The following CFAP299 variants were observed in gnomAD, a reference collection of about 807,000 sequenced individuals.
The protein encoded by CFAP299 is cilia- and flagella-associated protein 299.
Under a neutral mutation model 27.0 loss-of-function variants are expected in CFAP299, and 21 were observed. The observed-to-expected ratio is 0.78, with a 90% CI of 0.55 to 1.12. The LOEUF is 1.12. CFAP299 is among the 50% of genes most tolerant of loss of function. The probability of loss-of-function intolerance (pLI) is 0.00; values close to 1 mark genes in which losing one functional copy is unlikely to be tolerated. For missense variants in CFAP299, 310 were observed against 276.6 expected, an observed-to-expected ratio of 1.12 and a Z score of -0.86; for synonymous variants, 104 against 98.1, an observed-to-expected ratio of 1.06 and a Z score of -0.36.
At chr4:80,896,625 A>G (rs886769577) in intron 4 of CFAP299, among the ~76,000 whole-genome samples, 1 of 152,170 alleles carries the variant, frequency 6.6e-6, no homozygotes, top group South Asian at 2.1e-4. Flanking sequence ...ACCTGGAAGG[A>G]GAAATAGATG....
intron 2 of CFAP299, among the ~76,000 whole-genome samples, chr4:80,526,162 G>A (rs529333064): frequency 5.3e-5 from 8 of 152,204 alleles, no homozygotes; most frequent in African/African-American, 1.9e-4. Flanking sequence ...GCTTAGATAG[G>A]TTCTTGCTCT....
At chr4:80,797,957 G>A (rs377636766) in intron 3 of CFAP299, among the ~76,000 whole-genome samples, 7 of 152,216 alleles carry the variant, frequency 4.6e-5, no homozygotes, top group South Asian at 2.1e-4. Context: ...AACTGCTTGA[G>A]CTGCAACATT....
rs74287329 is a variant in CFAP299 at position 80,634,489 on chromosome 4, A to G, written c.333+51306A>G. ...ATATGTCATTTCATTATATATATAT[A>G]TCTGTATACATAATAGCATACTTAA... is the stretch of plus-strand genomic sequence containing the variant. On this transcript the variant is annotated intron_variant, in intron 3 of 5. Coordinates refer to ENST00000358105, the MANE Select transcript of CFAP299 (RefSeq NM_152770.3). Among the ~76,000 whole-genome samples the G allele has an allele frequency of 3.0e-5, 4 of 134,738 alleles. No individual in the cohort carries two copies. In the South Asian group the frequency reaches 7.3e-4, roughly 25 times the overall value. The allele number at this position is 134,738 out of a possible 152,430, so 88.4% of individuals were successfully genotyped here. A position where few individuals can be genotyped will look rare whatever the true frequency, so the allele number is the denominator to read the frequency against.
At chr4:80,951,485 T>C (rs1737775022) in intron 5 of CFAP299, among the ~76,000 whole-genome samples, 1 of 152,208 alleles carries the variant, frequency 6.6e-6, no homozygotes, top group South Asian at 2.1e-4. Flanking sequence ...CTTTGGCATG[T>C]AGTCTATTAT....
chr4:80,911,448 G>T (rs986639705), intron 4 of CFAP299, among the ~76,000 whole-genome samples: 1 of 151,932 alleles, frequency 6.6e-6, no homozygotes, highest in Non-Finnish European at 1.5e-5. Context: ...AATCTTTTCT[G>T]CCTCAAGTTT....
intron 4 of CFAP299, among the ~76,000 whole-genome samples, chr4:80,877,143 G>C (rs2110173209): frequency 6.6e-6 from 1 of 152,276 alleles, no homozygotes; most frequent in Middle Eastern, 3.4e-3. Flanking sequence ...TTGAACCTCA[G>C]TTATGTCCCA....
chr4:80,332,660 T>A (rs1373531117), upstream of CFAP299, among the ~76,000 whole-genome samples: 1 of 151,952 alleles, frequency 6.6e-6, no homozygotes, highest in Non-Finnish European at 1.5e-5. Flanking sequence ...GATATAAGAT[T>A]AAGGAGAGAG....
Position 80,688,448 on chromosome 4 carries a change from C to T in CFAP299, c.333+105265C>T, listed in dbSNP as rs187629841. On this transcript the variant is annotated intron_variant, in intron 3 of 5. Transcript: ENST00000358105. ...GGGGCACACTGACACCTCACACAGC[C>T]GGCCGGGTACTCCAACAGACCTGCA... Among the ~76,000 whole-genome samples, 1,282 of 151,944 alleles carry T rather than the reference C, an allele frequency of 8.4e-3. 12 individuals carry two copies. Among genetic ancestry groups the T allele is most frequent in the African/African-American group, 0.029 (1,193 of 41,538 alleles).
chr4:80,888,550 T>C (rs1274260522), intron 4 of CFAP299, among the ~76,000 whole-genome samples: 1 of 152,030 alleles, frequency 6.6e-6, no homozygotes, highest in South Asian at 2.1e-4. Context: ...ACTTTCAGCA[T>C]TGGACAGATC....
chr4:80,525,650 C>T (rs551043549), intron 2 of CFAP299, among the ~76,000 whole-genome samples: 4 of 152,238 alleles, frequency 2.6e-5, no homozygotes, highest in Middle Eastern at 3.4e-3. Context: ...GTTTCCTCCC[C>T]GGTCTCGACC....
intron 3 of CFAP299, among the ~76,000 whole-genome samples, chr4:80,602,766 A>G (rs1278759430): frequency 6.6e-6 from 1 of 152,096 alleles, no homozygotes; most frequent in African/African-American, 2.4e-5. Flanking sequence ...CCTGTGAGAA[A>G]AAGTCTGCTC....
intron 3 of CFAP299, among the ~76,000 whole-genome samples, chr4:80,700,190 C>T (rs962663969): frequency 1.3e-5 from 2 of 152,072 alleles, no homozygotes; most frequent in African/African-American, 4.8e-5. Context: ...AGGTAGAATA[C>T]TTGCCTTTAC....
chr4:80,814,601 T>C (rs1032511041), intron 3 of CFAP299, among the ~76,000 whole-genome samples: 1 of 151,994 alleles, frequency 6.6e-6, no homozygotes, highest in African/African-American at 2.4e-5. Context: ...TGTCTCTGAC[T>C]AATTTGTACT....
chr4:80,581,107 C>T lies in CFAP299; in HGVS notation c.243-1986C>T, dbSNP rs369519968. On this transcript the variant is annotated intron_variant, in intron 2 of 5. Transcript: ENST00000358105. The stretch of plus-strand genomic sequence containing the variant: ...GTACTTGTAAAATGAATTCTCTGTT[C>T]AAATTTCACAGAGAATTTCCAACAG... 1.3e-4 allele frequency among the ~76,000 whole-genome samples: 19 copies of T among 151,820 alleles called. No individual in the cohort carries two copies. In the South Asian group the frequency reaches 3.1e-3, roughly 25 times the overall value.
At chr4:80,757,635 C>T (rs1253220789) in intron 3 of CFAP299, among the ~76,000 whole-genome samples, 2 of 152,078 alleles carry the variant, frequency 1.3e-5, no homozygotes, top group East Asian at 3.8e-4. Flanking sequence ...TAGATATTAG[C>T]AAGTTAATGT....
chr4:80,749,413 G>A lies in CFAP299; in HGVS notation c.334-120580G>A, dbSNP rs564976901. ...TTACATTAGTCTGGGTTCTCTAGAG[G>A]GACAGAACTCACAGAATATATGTAC... On this transcript the variant is annotated intron_variant, in intron 3 of 5. Coordinates refer to ENST00000358105, the MANE Select transcript of CFAP299 (RefSeq NM_152770.3). 5.3e-5 allele frequency among the ~76,000 whole-genome samples: 8 copies of A among 152,178 alleles called. No individual in the cohort carries two copies. The South Asian group carries it at 1.7e-3, about 32-fold the overall frequency.
intron 1 of CFAP299, among the ~76,000 whole-genome samples, chr4:80,352,401 C>T (rs1578344276): frequency 6.6e-6 from 1 of 152,054 alleles, no homozygotes; most frequent in Non-Finnish European, 1.5e-5. Context: ...AACCCCGTCT[C>T]TACTAAAATA....
intron 3 of CFAP299, among the ~76,000 whole-genome samples, chr4:80,637,522 C>A (rs1739509882): frequency 6.6e-6 from 1 of 152,130 alleles, no homozygotes; most frequent in African/African-American, 2.4e-5. Context: ...GTCAGTCATG[C>A]AACCCAAAGA....
chr4:80,575,953 G>A (rs993358461), intron 2 of CFAP299, among the ~76,000 whole-genome samples: 1 of 151,654 alleles, frequency 6.6e-6, no homozygotes, highest in Non-Finnish European at 1.5e-5. Flanking sequence ...ACTGAACGCC[G>A]CATGTTCTCA....
Sources: allele counts gnomAD v4.1 joint callset (sites outside exome capture counted in the v4.1 genomes callset), GRCh38; gene constraint gnomAD v4.1.1; transcripts MANE v1.5; gene names NCBI Gene and HGNC (gene_info 2026-07-23, HGNC 2026-07-21).